The following AGXT2 variants were observed in gnomAD, a reference collection of about 807,000 sequenced individuals.
AGXT2 encodes the protein alanine--glyoxylate aminotransferase 2.
A neutral mutation model predicts 62.5 loss-of-function variants in AGXT2; 61 were observed. The ratio of observed to expected loss-of-function variants is 0.98; its 90% confidence interval spans 0.79 to 1.21. The LOEUF (loss-of-function observed/expected upper bound fraction) is 1.21, where lower values mean the gene tolerates loss of function less well. AGXT2 is among the 50% of genes most tolerant of loss of function. The pLI, the probability that AGXT2 is intolerant of heterozygous loss-of-function variation, is 0.00. For synonymous variants in AGXT2, 243 were observed against 218.7 expected (o/e 1.11, Z -0.98); for missense variants, 666 against 641.5 (o/e 1.04, Z -0.41).
chr5:35,030,771 A>G (rs1767534405), intron 7 of AGXT2, among the ~76,000 whole-genome samples: 1 of 152,208 alleles, frequency 6.6e-6, no homozygotes, highest in African/African-American at 2.4e-5. Context: ...GCTTCCGTCT[A>G]CTAGGCTCTG....
At chr5:35,018,036 A>G (rs1766917542) in intron 9 of AGXT2, among the ~76,000 whole-genome samples, 1 of 152,212 alleles carries the variant, frequency 6.6e-6, no homozygotes, top group South Asian at 2.1e-4. Flanking sequence ...AAGAATAAAA[A>G]GAAACGAGCA....
At position 35,014,699 on chromosome 5, in the gene AGXT2, A is replaced by G. The variant is rs1766785198; in HGVS notation, c.964-580T>C. Among the ~76,000 whole-genome samples the G allele has an allele frequency of 3.3e-5, 5 of 152,212 alleles. No homozygotes were observed. In the South Asian group the frequency reaches 1.0e-3, roughly 32 times the overall value. On this transcript the variant is annotated intron_variant, in intron 9 of 13. Coordinates refer to ENST00000231420, the MANE Select transcript of AGXT2 (RefSeq NM_031900.4). ...AACTCATCCGTCAAGTAGAAATACA[A>G]CAATATGTCACAGGCTCCATGAGGG...
chr5:35,039,687 T>C (rs1767909818), intron 2 of AGXT2, among the ~76,000 whole-genome samples, 179 bp from the exon 3 acceptor site: 1 of 152,190 alleles, frequency 6.6e-6, no homozygotes, highest in Non-Finnish European at 1.5e-5. Context: ...CCTTTTCTCT[T>C]AAGGAGGTGA....
intron 12 of AGXT2, 41 bp from the exon 13 acceptor site, chr5:35,003,902 A>C: frequency 1.3e-6 from 2 of 1,590,386 alleles, no homozygotes; most frequent in Non-Finnish European, 1.7e-6. Context: ...TTGGTGTTGG[A>C]ATGGTTAAAG....
intron 1 of AGXT2, among the ~76,000 whole-genome samples, chr5:35,042,557 A>G (rs1768024538): frequency 6.6e-6 from 1 of 152,184 alleles, no homozygotes; most frequent in Non-Finnish European, 1.5e-5. Flanking sequence ...ACAGAAAGAA[A>G]CAAAACTACT....
chr5:35,024,533 C>T (rs564892204), intron 9 of AGXT2, among the ~76,000 whole-genome samples: 1 of 152,272 alleles, frequency 6.6e-6, no homozygotes, highest in South Asian at 2.1e-4. Flanking sequence ...AAGTAATGCC[C>T]TTGGGAGTAG....
At chr5:35,018,506 TAC>T (rs1436946726) in intron 9 of AGXT2, among the ~76,000 whole-genome samples, 1 of 152,108 alleles carries the variant, frequency 6.6e-6, no homozygotes, top group Non-Finnish European at 1.5e-5. Flanking sequence ...TAAAATACTT[TAC>T]AAACAAGCAA....
intron 8 of AGXT2, 44 bp from the exon 9 acceptor site, chr5:35,025,899 C>T (rs369420634): frequency 3.7e-4 from 575 of 1,546,528 alleles, no homozygotes; most frequent in Non-Finnish European, 4.7e-4. Flanking sequence ...ATAGCATCAG[C>T]CCTTTCAAAG....
intron 1 of AGXT2, among the ~76,000 whole-genome samples, chr5:35,042,379 A>G (rs1202653077): frequency 6.6e-6 from 1 of 152,170 alleles, no homozygotes; most frequent in Non-Finnish European, 1.5e-5. Flanking sequence ...AAGAAGAAAG[A>G]GGAAGGAAGA....
At chr5:35,013,400 C>G (rs1766716973) in intron 10 of AGXT2, among the ~76,000 whole-genome samples, 2 of 152,190 alleles carry the variant, frequency 1.3e-5, no homozygotes, top group South Asian at 4.1e-4. Flanking sequence ...CATCTTCTCT[C>G]CCTCTTCCAT....
At chr5:35,046,673 A>G (rs972343537) in intron 1 of AGXT2, among the ~76,000 whole-genome samples, 3 of 152,182 alleles carry the variant, frequency 2.0e-5, no homozygotes, top group African/African-American at 7.2e-5. Context: ...AAAAACTGCA[A>G]TTTTCAGGGG....
At chr5:35,029,826 G>GA (rs1767494169) in intron 7 of AGXT2, among the ~76,000 whole-genome samples, 1 of 152,100 alleles carries the variant, frequency 6.6e-6, no homozygotes, top group Admixed American at 6.5e-5. Flanking sequence ...AACCCCTGGG[G>GA]AAAAAATCCT....
At chr5:35,040,140 A>G (rs922375325) in intron 2 of AGXT2, among the ~76,000 whole-genome samples, 2 of 152,194 alleles carry the variant, frequency 1.3e-5, no homozygotes, top group African/African-American at 4.8e-5. Context: ...AGAAAATGCC[A>G]GCTGAATTTT....
intron 9 of AGXT2, among the ~76,000 whole-genome samples, chr5:35,022,052 A>C (rs1295530620): frequency 6.6e-6 from 1 of 152,096 alleles, no homozygotes; most frequent in Non-Finnish European, 1.5e-5. Context: ...TAGAATGGTG[A>C]TCATTAAAAA....
intron 3 of AGXT2, among the ~76,000 whole-genome samples, chr5:35,037,491 C>G (rs1176398219): frequency 2.0e-5 from 3 of 152,094 alleles, no homozygotes; most frequent in African/African-American, 7.2e-5. Context: ...TATGCCAGAT[C>G]AGTAGTTCTT....
chr5:35,046,125 G>T (rs1268699117), intron 1 of AGXT2, among the ~76,000 whole-genome samples: 1 of 152,114 alleles, frequency 6.6e-6, no homozygotes, highest in African/African-American at 2.4e-5. Flanking sequence ...CTATGGTAAG[G>T]CGTCGCCAAC....
chr5:35,021,884 A>C (rs1201282716), intron 9 of AGXT2, among the ~76,000 whole-genome samples: 1 of 152,250 alleles, frequency 6.6e-6, no homozygotes, highest in African/African-American at 2.4e-5. Context: ...CAAGAAAAAA[A>C]CAAACTACCC....
intron 4 of AGXT2, among the ~76,000 whole-genome samples, chr5:35,035,529 GC>G (rs1767729055): frequency 6.6e-6 from 1 of 152,134 alleles, no homozygotes; most frequent in Admixed American, 6.6e-5. Context: ...TACAAAAATG[GC>G]TAAGAGATTG....
In AGXT2 at chr5:35,033,507, C is replaced by A; in HGVS notation, c.628G>T (p.Val210Leu). ...GGGAGTTCCATCTTGTAGGTCCCTA[C>A]GTTTGTCAAGCCAAGTGTGTAAGGA... The part of the protein sequence containing the change: ...CSPYTLGLTN[V>L]GTYKMELPGG... Residue 210 changes from valine to leucine, a missense_variant, in exon 6 of 14, where the codon GTA becomes TTA. By Grantham distance (32) the Val-to-Leu change is conservative (BLOSUM62 1). Coordinates refer to ENST00000231420, the MANE Select transcript of AGXT2 (RefSeq NM_031900.4). The A allele has an allele frequency of 6.2e-7, 1 of 1,613,798 alleles. No homozygotes were observed. The highest frequency in any genetic ancestry group is 8.5e-7 in the Non-Finnish European group (1 of 1,179,710).
Sources: gnomAD v4.1 joint callset for allele counts (sites outside exome capture counted in the v4.1 genomes callset) on GRCh38, gnomAD v4.1.1 for gene constraint, MANE v1.5 for transcripts, NCBI Gene and HGNC (gene_info 2026-07-23, HGNC 2026-07-21) for gene names.